ALDH7A1: variants seen among roughly 807,000 people sequenced by gnomAD.
ALDH7A1 encodes aldehyde dehydrogenase 7 family member A1.
ALDH7A1 carries 63 observed loss-of-function variants against 79.9 expected under a neutral mutation model. The ratio of observed to expected loss-of-function variants is 0.79; its 90% CI spans 0.64 to 0.97. The LOEUF is 0.97. Among genes scored for constraint, ALDH7A1 ranks in the 50% least tolerant of loss-of-function variants. ALDH7A1 has a pLI of 0.00. For synonymous variants in ALDH7A1, 240 were observed against 231.2 expected (o/e 1.04, Z -0.34); for missense variants, 627 against 665.2 (o/e 0.94, Z 0.63).
chr5:126,551,581 C>G (rs1228836356), intron 14 of ALDH7A1, among the ~76,000 whole-genome samples: 2 of 152,110 alleles, frequency 1.3e-5, no homozygotes. Flanking sequence ...CCTCACCCTC[C>G]CAAAGTGCTG....
At chr5:126,551,994 A>T in intron 14 of ALDH7A1, 27 bp downstream of exon 14, 1 of 1,492,686 alleles carries the variant, frequency 6.7e-7, no homozygotes, top group Non-Finnish European at 9.3e-7. Flanking sequence ...TTTCAACATC[A>T]GGCTAGCGAA....
chr5:126,546,917 C>T (rs1416067465), intron 16 of ALDH7A1, among the ~76,000 whole-genome samples: 1 of 152,196 alleles, frequency 6.6e-6, no homozygotes, highest in Non-Finnish European at 1.5e-5. Context: ...TGGTCTTTCT[C>T]ATGAGAGGGA....
At chr5:126,561,504 G>A in intron 9 of ALDH7A1, 2 of 156,696 alleles carry the variant, frequency 1.3e-5, no homozygotes, top group Non-Finnish European at 2.8e-5. Flanking sequence ...GTGTGTGTGT[G>A]TGTGTGTGTA....
At position 126,577,285 on chromosome 5, in the gene ALDH7A1, TACAGCAG is replaced by T. The variant is rs536817740; in HGVS notation, c.518-81_518-75del. ...CCCATCAAGTTAATAAGAACAAACG[TACAGCAG>T]ACTGGAGAAGATTCCAGATGCCTTA... On this transcript the variant is annotated intron_variant, in intron 5 of 17. Coordinates refer to ENST00000409134, the MANE Select transcript of ALDH7A1 (RefSeq NM_001182.5). 0.013 allele frequency: 20,632 copies of T among 1,572,984 alleles called. 171 individuals carry two copies. Among genetic ancestry groups the T allele is most frequent in the Non-Finnish European group, 0.015 (16,936 of 1,153,142 alleles).
At chr5:126,592,787 T>C in intron 2 of ALDH7A1, 58 bp from the exon 3 acceptor site, 1 of 1,497,564 alleles carries the variant, frequency 6.7e-7, no homozygotes, top group Non-Finnish European at 9.3e-7. Flanking sequence ...ATGATGATCT[T>C]CTAGAACACA....
At chr5:126,591,754 C>T (rs1035049992) in intron 3 of ALDH7A1, among the ~76,000 whole-genome samples, 6 of 152,028 alleles carry the variant, frequency 3.9e-5, no homozygotes, top group African/African-American at 1.5e-4. Context: ...GCCTAGCTCC[C>T]ACCTAGTGAC....
At chr5:126,548,609 T>G (rs1749878740) in intron 16 of ALDH7A1, among the ~76,000 whole-genome samples, 1 of 151,948 alleles carries the variant, frequency 6.6e-6, no homozygotes, top group African/African-American at 2.4e-5. Context: ...GTAATTTTTG[T>G]AGAGATGAGT....
chr5:126,584,671 A>AAAAAAAAAG (rs1751300421), intron 3 of ALDH7A1, among the ~76,000 whole-genome samples: 1 of 129,942 alleles, frequency 7.7e-6, no homozygotes, highest in Non-Finnish European at 1.6e-5. Context: ...AAAAAAAAAA[A>AAAAAAAAAG]AAAAAAAAGA....
chr5:126,552,365 T>C (rs1389219162), intron 13 of ALDH7A1, among the ~76,000 whole-genome samples: 5 of 152,158 alleles, frequency 3.3e-5, no homozygotes, highest in South Asian at 2.1e-4. Flanking sequence ...CAGGCAGGGA[T>C]AGAGAGCCAT....
At chr5:126,590,235 G>T (rs1035651249) in intron 3 of ALDH7A1, among the ~76,000 whole-genome samples, 1 of 151,300 alleles carries the variant, frequency 6.6e-6, no homozygotes, top group Non-Finnish European at 1.5e-5. Context: ...CTGCCCGGCC[G>T]CTGCCCTGTC....
chr5:126,585,004 A>G (rs192499885), intron 3 of ALDH7A1, among the ~76,000 whole-genome samples: 1 of 152,160 alleles, frequency 6.6e-6, no homozygotes, highest in Non-Finnish European at 1.5e-5. Flanking sequence ...CCTCTCCTTC[A>G]AAGTACAGCT....
chr5:126,592,643 A>G lies in ALDH7A1; in HGVS notation c.312+21T>C, dbSNP rs200790288. 99 of 1,611,354 alleles carry G rather than the reference A, an allele frequency of 6.1e-5. 1 individual carries two copies. The African/African-American group carries it at 1.0e-3, about 16-fold the overall frequency. ...GGCAAAGTGATCTTTTCTGAATTCT[A>G]GAAACAAAGGCCATACTTACATCTG... On this transcript the variant is annotated intron_variant, in intron 3 of 17. Coordinates refer to ENST00000409134, the MANE Select transcript of ALDH7A1 (RefSeq NM_001182.5).
intron 1 of ALDH7A1, chr5:126,594,142 C>T (rs756920000): frequency 7.1e-5 from 33 of 464,148 alleles, no homozygotes; most frequent in Non-Finnish European, 9.9e-5. Flanking sequence ...TTGTTTTGAG[C>T]AGTAATGGGT....
At position 126,594,144 on chromosome 5, in the gene ALDH7A1, G is replaced by A. The variant is rs145704075; in HGVS notation, c.193-740C>T. 1.5e-3 allele frequency: 681 copies of A among 467,882 alleles called. 2 individuals are homozygous for A. Among genetic ancestry groups the A allele is most frequent in the Middle Eastern group, 4.2e-3 (13 of 3,066 alleles). 29.0% of individuals were successfully genotyped at this position (467,882 alleles called of 1,614,324 possible). A position where few individuals can be genotyped will look rare whatever the true frequency, so the allele number is the denominator to read the frequency against. Reference sequence around the variant, plus strand: ...ATTCTATAAAACATTGTTTTGAGCAGTAATGGGTATCAGGCGCGGTGTTAA... The same window carrying A: ...ATTCTATAAAACATTGTTTTGAGCAATAATGGGTATCAGGCGCGGTGTTAA... On this transcript the variant is annotated intron_variant, in intron 1 of 17. Coordinates refer to ENST00000409134, the MANE Select transcript of ALDH7A1 (RefSeq NM_001182.5).
chr5:126,561,189 A>G, intron 9 of ALDH7A1, 65 bp from the exon 10 acceptor site: 1 of 1,288,700 alleles, frequency 7.8e-7, no homozygotes, highest in Non-Finnish European at 1.1e-6. Context: ...ACACTGCTAC[A>G]CAGCCTAATC....
At chr5:126,580,156 T>G (rs369650616) in intron 5 of ALDH7A1, 1 of 166,852 alleles carries the variant, frequency 6.0e-6, no homozygotes, top group Non-Finnish European at 1.5e-5. Flanking sequence ...TGGAGAACAA[T>G]GGCGTGATCT....
At chr5:126,554,674 A>G (rs1750122186) in intron 12 of ALDH7A1, 5 of 430,382 alleles carry the variant, frequency 1.2e-5, no homozygotes, top group South Asian at 6.4e-5. Context: ...ACTTTTTTTT[A>G]CAGAAACAGG....
At chr5:126,568,018 T>C (rs748816132) in intron 9 of ALDH7A1, 33 of 417,656 alleles carry the variant, frequency 7.9e-5, no homozygotes, top group Non-Finnish European at 1.5e-4. Context: ...CTCCTGACCT[T>C]GTGATCCACC....
rs150023118 is a variant in ALDH7A1 at position 126,557,868 on chromosome 5, T to C, written c.1008+1372A>G. Among the ~76,000 whole-genome samples, 538 of 152,022 alleles carry C rather than the reference T, an allele frequency of 3.5e-3. 3 individuals carry two copies. The highest frequency in any genetic ancestry group is 0.012 in the African/African-American group (517 of 41,482). ...GGCAAATGCAGCCAAATTTTGTACC[T>C]AACTAAAACTTCCTCAGGGCTGGGC... is the stretch of plus-strand genomic sequence containing the variant. On this transcript the variant is annotated intron_variant, in intron 11 of 17. Transcript: ENST00000409134.
Sources: gnomAD v4.1 joint callset for allele counts (sites outside exome capture counted in the v4.1 genomes callset) on GRCh38, gnomAD v4.1.1 for gene constraint, MANE v1.5 for transcripts, NCBI Gene and HGNC (gene_info 2026-07-23, HGNC 2026-07-21) for gene names.